The following TRIO variants were observed in gnomAD, a reference collection of about 807,000 sequenced individuals.
The protein encoded by TRIO is triple functional domain protein.
A neutral mutation model predicts 351.9 loss-of-function variants in TRIO; 58 were observed. The ratio of observed to expected loss-of-function variants is 0.16; its 90% CI spans 0.13 to 0.21. The LOEUF is 0.21. Among genes scored for constraint, TRIO ranks in the 10% least tolerant of loss-of-function variants. The pLI is 1.00. For synonymous variants in TRIO, 1,758 were observed against 1,595.7 expected (o/e 1.10, Z -2.42); for missense variants, 3,201 against 4,027.8 (o/e 0.79, Z 5.56).
intron 1 of TRIO, among the ~76,000 whole-genome samples, chr5:14,188,447 C>G (rs926180924): frequency 6.6e-6 from 1 of 152,140 alleles, no homozygotes; most frequent in African/African-American, 2.4e-5. Context: ...AACCACTTCG[C>G]TATAACTGTT....
In TRIO at chr5:14,336,615, T is replaced by C. The variant is rs759760873; in HGVS notation, c.1934T>C (p.Ile645Thr). 1 of 1,614,074 alleles carries C rather than the reference T, an allele frequency of 6.2e-7. No homozygotes were observed. Among genetic ancestry groups the C allele is most frequent in the Non-Finnish European group, 8.5e-7 (1 of 1,180,004 alleles). ...AQTGECDPEEIYQAAHQLEDR... is the reference protein window; with the variant it reads ...AQTGECDPEETYQAAHQLEDR... ...ACTGGGGAATGTGACCCCGAAGAGA[T>C]TTATCAGGCTGCCCATCAGCTGGAA... Residue 645 changes from isoleucine (I) to threonine (T), a missense_variant, in exon 11 of 57, where the codon ATT becomes ACT. Transcript: ENST00000344204.
At chr5:14,371,023 T>C (rs1745059499) in intron 18 of TRIO, among the ~76,000 whole-genome samples, 1 of 152,236 alleles carries the variant, frequency 6.6e-6, no homozygotes, top group Non-Finnish European at 1.5e-5. Flanking sequence ...AACCTGTACA[T>C]CAAATGCTAT....
intron 1 of TRIO, among the ~76,000 whole-genome samples, chr5:14,251,182 A>G (rs1794722667): frequency 6.6e-6 from 1 of 152,184 alleles, no homozygotes; most frequent in Non-Finnish European, 1.5e-5. Context: ...TACATGTCAG[A>G]TACAAGAAGT....
rs1297820764 is a variant in TRIO, at chr5:14,359,473, G to A, written c.2333G>A (p.Arg778His). Residue 778 changes from arginine to histidine, a missense_variant, in exon 13 of 57, where the codon CGC becomes CAC. Coordinates refer to ENST00000344204, the MANE Select transcript of TRIO (RefSeq NM_007118.4). ...CAGATGGAGGAGCTCTTCCAGGAGC[G>A]CAAGATCAAGCTGGAGCTCTTCCTG... ...QSQMEELFQERKIKLELFLQL... is the reference protein window; with the variant it reads ...QSQMEELFQEHKIKLELFLQL... 6.2e-7 allele frequency: 1 copy of A among 1,614,272 alleles called. No individual in the cohort carries two copies. The highest frequency in any genetic ancestry group is 8.5e-7 in the Non-Finnish European group (1 of 1,180,044).
intron 1 of TRIO, among the ~76,000 whole-genome samples, chr5:14,222,203 A>G (rs1239503621): frequency 6.6e-6 from 1 of 152,042 alleles, no homozygotes; most frequent in African/African-American, 2.4e-5. Context: ...TTTAAAGACA[A>G]ATACTACCAC....
intron 19 of TRIO, among the ~76,000 whole-genome samples, chr5:14,377,062 A>G (rs747506463): frequency 6.6e-6 from 1 of 151,706 alleles, no homozygotes; most frequent in Non-Finnish European, 1.5e-5. Context: ...TCTATGTCAT[A>G]TGTTCCCAAT....
intron 34 of TRIO, among the ~76,000 whole-genome samples, chr5:14,450,924 A>C (rs1752808894): frequency 6.6e-6 from 1 of 152,232 alleles, no homozygotes; most frequent in Non-Finnish European, 1.5e-5. Flanking sequence ...ACTCACTAGT[A>C]CTCACAGACA....
intron 1 of TRIO, among the ~76,000 whole-genome samples, chr5:14,207,212 T>C (rs1335245569): frequency 6.6e-6 from 1 of 151,338 alleles, no homozygotes; most frequent in African/African-American, 2.4e-5. Flanking sequence ...GGAGGTTGGC[T>C]TGAGGCTAGG....
chr5:14,293,112 A>G lies in TRIO; in HGVS notation c.1154A>G (p.Asn385Ser), dbSNP rs745359110. The change falls in exon 6 of 57, where the codon AAT (asparagine) becomes AGT (serine). Residue 385 changes from asparagine (N) to serine (S), a missense_variant. Transcript: ENST00000344204. ...GCCATGGAGCTTCAGACGCAGCACA[A>G]TCACTTTGCCATGAACTGTATGGTA... is the stretch of plus-strand genomic sequence containing the variant. ...PHAMELQTQH[N>S]HFAMNCMNVY... 8.1e-6 allele frequency: 13 copies of G among 1,614,162 alleles called. No individual in the cohort carries two copies. Among genetic ancestry groups the G allele is most frequent in the Admixed American group, 3.3e-5 (2 of 60,034 alleles).
At position 14,369,767 on chromosome 5, in the gene TRIO, A is replaced by G. The variant is rs191828078; in HGVS notation, c.3216+244A>G. Among the ~76,000 whole-genome samples the G allele has an allele frequency of 1.1e-3, 164 of 152,360 alleles. 1 individual carries two copies. Among genetic ancestry groups the G allele is most frequent in the Non-Finnish European group, 1.4e-3 (96 of 68,032 alleles). ...AAATAGCTAAAAATCTGTATGAGTAAGGATTGGTTGGAAGTCACAATACCA... is the reference window on the plus strand; with the variant it reads ...AAATAGCTAAAAATCTGTATGAGTAGGGATTGGTTGGAAGTCACAATACCA... On this transcript the variant is annotated intron_variant, in intron 18 of 56. Coordinates refer to ENST00000344204, the MANE Select transcript of TRIO (RefSeq NM_007118.4).
At chr5:14,253,133 T>A (rs112249015) in intron 1 of TRIO, among the ~76,000 whole-genome samples, 3 of 152,344 alleles carry the variant, frequency 2.0e-5, no homozygotes, top group Non-Finnish European at 4.4e-5. Context: ...AAGGAAATGC[T>A]GATTTCAAAG....
intron 9 of TRIO, among the ~76,000 whole-genome samples, chr5:14,322,403 A>G (rs1473161036): frequency 6.6e-6 from 1 of 152,154 alleles, no homozygotes; most frequent in African/African-American, 2.4e-5. Flanking sequence ...TGGAAGTGTG[A>G]GATCTCTCAT....
At chr5:14,391,205 A>G (rs1747053421) in intron 27 of TRIO, among the ~76,000 whole-genome samples, 1 of 152,168 alleles carries the variant, frequency 6.6e-6, no homozygotes, top group African/African-American at 2.4e-5. Context: ...TTATATCTGT[A>G]AGGAACTCAG....
rs1173121592 is a variant in TRIO, at chr5:14,396,443, C to CTTTTTTTTTTTTTT, written c.4312-569_4312-556dup. ...ATAATAATTAAATATTTCTATTTAT[C>CTTTTTTTTTTTTTT]TTTTTTTTTTTTTTTTTTTTTTTTT... On this transcript the variant is annotated intron_variant, in intron 28 of 56. Coordinates refer to ENST00000344204, the MANE Select transcript of TRIO (RefSeq NM_007118.4). Among the ~76,000 whole-genome samples, 40 of 41,554 alleles carry CTTTTTTTTTTTTTT rather than the reference C, an allele frequency of 9.6e-4. 12 individuals carry two copies. The highest frequency in any genetic ancestry group is 6.2e-3 in the South Asian group (4 of 646). 27.3% of individuals were successfully genotyped at this position (41,554 alleles called of 152,430 possible).
chr5:14,316,271 T>C lies in TRIO; in HGVS notation c.1501-242T>C, dbSNP rs76596608. 0.036 allele frequency among the ~76,000 whole-genome samples: 5,417 copies of C among 152,338 alleles called. 127 individuals are homozygous for C. Among genetic ancestry groups the C allele is most frequent in the Non-Finnish European group, 0.041 (2,772 of 68,020 alleles). ...TGTTCTTTTATTTTCACCTAGTGTT[T>C]TGCATCATTTGGCTTTGTGATGTCA... On this transcript the variant is annotated intron_variant, in intron 8 of 56. Transcript: ENST00000344204.
In TRIO at chr5:14,497,887, C is replaced by G. The variant is rs946035368; in HGVS notation, c.8047+13C>G. The G allele has an allele frequency of 1.9e-6, 3 of 1,614,030 alleles. No homozygotes were observed. The highest frequency in any genetic ancestry group is 2.7e-5 in the African/African-American group (2 of 74,924). On this transcript the variant is annotated intron_variant, in intron 51 of 56. Coordinates refer to ENST00000344204, the MANE Select transcript of TRIO (RefSeq NM_007118.4). The surrounding 1 kb of genome is among the most constrained non-coding windows in gnomAD (Gnocchi z 4.4). The stretch of plus-strand genomic sequence containing the variant: ...TACATTTATGACGGTGAGTTCTGTT[C>G]TTTTTCTTCTAGTCCTAGAGATGAT...
In TRIO at chr5:14,411,479, G is replaced by A. The variant is rs536343071; in HGVS notation, c.4959+4807G>A. On this transcript the variant is annotated intron_variant, in intron 33 of 56. Transcript: ENST00000344204. ...TGAGCTGTCTTTCGAATCTTAAGCCGTATGTTTCTTATTTCTAATGAGTGA... is the reference window on the plus strand; with the variant it reads ...TGAGCTGTCTTTCGAATCTTAAGCCATATGTTTCTTATTTCTAATGAGTGA... 3.9e-5 allele frequency among the ~76,000 whole-genome samples: 6 copies of A among 152,320 alleles called. No individual in the cohort carries two copies. The East Asian group carries it at 5.8e-4, about 15-fold the overall frequency.
chr5:14,478,881 A>T lies in TRIO; in HGVS notation c.6154-380A>T, dbSNP rs181856529. Among the ~76,000 whole-genome samples, 11 of 152,156 alleles carry T rather than the reference A, an allele frequency of 7.2e-5. No individual in the cohort carries two copies. The East Asian group carries it at 2.1e-3, about 29-fold the overall frequency. ...GAGGCTGAGGTAGGAGGATCGCTTG[A>T]GCCCGGAAGTTTAAGGCTTCCGTGA... On this transcript the variant is annotated intron_variant, in intron 41 of 56. Transcript: ENST00000344204.
rs375565043 is a variant in TRIO at position 14,184,566 on chromosome 5, A to G, written c.157+40684A>G. 2.0e-5 allele frequency among the ~76,000 whole-genome samples: 3 copies of G among 152,370 alleles called. No individual in the cohort carries two copies. The East Asian group carries it at 5.8e-4, about 29-fold the overall frequency. On this transcript the variant is annotated intron_variant, in intron 1 of 56. Transcript: ENST00000344204. ...ATTCAGGACTTCATTGCTATGGACG[A>G]GTCTAATTTCCCTTGCTAATTGTTT... is the stretch of plus-strand genomic sequence containing the variant.
Sources: gnomAD v4.1 joint callset for allele counts (sites outside exome capture counted in the v4.1 genomes callset) on GRCh38, gnomAD v4.1.1 for gene constraint, Gnocchi (gnomAD v3.1) non-coding constraint, MANE v1.5 for transcripts, NCBI Gene and HGNC (gene_info 2026-07-23, HGNC 2026-07-21) for gene names.